The following TOPBP1 variants were observed in gnomAD, a reference collection of about 807,000 sequenced individuals.
TOPBP1 encodes the protein DNA topoisomerase II binding protein 1.
In TOPBP1, 28 loss-of-function variants were observed where a neutral mutation model predicts 167.7. That is an observed-to-expected ratio of 0.17 (90% CI 0.12 to 0.23). The LOEUF is 0.23. Ranked by LOEUF, TOPBP1 falls within the 10% of genes least tolerant of loss-of-function variation. The pLI is 1.00. For synonymous variants in TOPBP1, 598 were observed against 611.4 expected, an observed-to-expected ratio of 0.98 and a Z score of 0.32; for missense variants, 1,554 against 1,809.6, an observed-to-expected ratio of 0.86 and a Z score of 2.56.
At chr3:133,612,610 A>C in intron 23 of TOPBP1, 58 bp from the exon 24 acceptor site, 1 of 1,477,388 alleles carries the variant, frequency 6.8e-7, no homozygotes, top group Non-Finnish European at 9.1e-7. Context: ...TCTAGGAAAA[A>C]TGTAATCTCA....
At chr3:133,650,658 A>G (rs1936262169) in intron 8 of TOPBP1, among the ~76,000 whole-genome samples, 1 of 152,318 alleles carries the variant, frequency 6.6e-6, no homozygotes, top group African/African-American at 2.4e-5. Flanking sequence ...AAATTTAAGT[A>G]TGACAAATCT....
At chr3:133,613,808 C>T (rs1462113647) in intron 23 of TOPBP1, among the ~76,000 whole-genome samples, 3 of 127,112 alleles carry the variant, frequency 2.4e-5, no homozygotes, top group Admixed American at 8.8e-5. Context: ...TTTTTTGAGA[C>T]GGAGTCTCAC....
At position 133,604,171 on chromosome 3, in the gene TOPBP1, G is replaced by A. The variant is rs533681667; in HGVS notation, c.4426-2778C>T. ...TTATTTTGAAACGGAGTCTTGCTCT[G>A]TTGCCCAAGCTGGAGTGCAGTGGCG... is the stretch of plus-strand genomic sequence containing the variant. On this transcript the variant is annotated intron_variant, in intron 27 of 27. Coordinates refer to ENST00000260810, the MANE Select transcript of TOPBP1 (RefSeq NM_007027.4). 2.6e-5 allele frequency among the ~76,000 whole-genome samples: 4 copies of A among 151,824 alleles called. No homozygotes were observed. In the South Asian group the frequency reaches 8.3e-4, roughly 32 times the overall value.
intron 16 of TOPBP1, among the ~76,000 whole-genome samples, chr3:133,626,363 A>G (rs951142565): frequency 2.0e-5 from 3 of 152,196 alleles, no homozygotes; most frequent in Non-Finnish European, 4.4e-5. Flanking sequence ...GGAGGGTGCT[A>G]CTAGCATGCA....
intron 25 of TOPBP1, among the ~76,000 whole-genome samples, chr3:133,609,934 C>G (rs1934617716): frequency 6.6e-6 from 1 of 152,236 alleles, no homozygotes; most frequent in South Asian, 2.1e-4. Flanking sequence ...ATATAATTCC[C>G]AAACCTTATG....
At chr3:133,602,742 G>A (rs1462469530) in intron 27 of TOPBP1, among the ~76,000 whole-genome samples, 1 of 152,142 alleles carries the variant, frequency 6.6e-6, no homozygotes, top group Non-Finnish European at 1.5e-5. Context: ...ATACATAAAT[G>A]AATGAGTATG....
rs1007651590 is a variant in TOPBP1 at position 133,651,617 on chromosome 3, T to C, written c.1089+846A>G. On this transcript the variant is annotated intron_variant, in intron 8 of 27. Coordinates refer to ENST00000260810, the MANE Select transcript of TOPBP1 (RefSeq NM_007027.4). ...CCAATCTAAGACAGCGGAAAAAGTA[T>C]AGCATATGCTGTTTCCATCAACAAA... Among the ~76,000 whole-genome samples the C allele has an allele frequency of 4.6e-5, 7 of 152,334 alleles. No individual in the cohort carries two copies. In the East Asian group the frequency reaches 1.2e-3, roughly 25 times the overall value.
rs766801940 is a variant in TOPBP1 at position 133,623,368 on chromosome 3, A to G, written c.3018T>C (p.Asp1006=). 4 of 1,613,644 alleles carry G rather than the reference A, an allele frequency of 2.5e-6. No homozygotes were observed. The highest frequency in any genetic ancestry group is 1.1e-5 in the South Asian group (1 of 91,004). ...KMSLDISAVQ[D]GRLCNSRLLS... ...GTAGTCGACTATTACAGAGCCGGCCATCTTGCACTGCGCTGATATCCAAGC... is the reference window on the plus strand; with the variant it reads ...GTAGTCGACTATTACAGAGCCGGCCGTCTTGCACTGCGCTGATATCCAAGC... Residue 1006 remains aspartate, a synonymous_variant, in exon 18 of 28, where the codon GAT becomes GAC. Transcript: ENST00000260810.
At chr3:133,630,007 C>G (rs1020581853) in intron 14 of TOPBP1, among the ~76,000 whole-genome samples, 2 of 152,084 alleles carry the variant, frequency 1.3e-5, no homozygotes, top group Admixed American at 6.6e-5. Context: ...AAGCTGATCT[C>G]AAACTCCTGA....
At chr3:133,627,904 T>C (rs1230822209) in intron 16 of TOPBP1, among the ~76,000 whole-genome samples, 1 of 151,706 alleles carries the variant, frequency 6.6e-6, no homozygotes, top group African/African-American at 2.4e-5. Context: ...GAAAACATGC[T>C]CAAAAAAGAC....
At chr3:133,627,230 C>T (rs1935297974) in intron 16 of TOPBP1, among the ~76,000 whole-genome samples, 1 of 151,952 alleles carries the variant, frequency 6.6e-6, no homozygotes, top group African/African-American at 2.4e-5. Context: ...CATTTAAAAT[C>T]ATATAAAAAC....
chr3:133,632,467 T>C (rs975956815), intron 14 of TOPBP1, among the ~76,000 whole-genome samples: 6 of 152,182 alleles, frequency 3.9e-5, no homozygotes, highest in African/African-American at 1.4e-4. Flanking sequence ...TATAGCAATG[T>C]GCAAACAGAT....
At chr3:133,611,914 T>G (rs1425026974) in intron 24 of TOPBP1, among the ~76,000 whole-genome samples, 1 of 152,182 alleles carries the variant, frequency 6.6e-6, no homozygotes, top group Non-Finnish European at 1.5e-5. Context: ...CTGTTTTTAT[T>G]TTTTCTAGAG....
chr3:133,647,803 C>T (rs1183102775), intron 10 of TOPBP1, among the ~76,000 whole-genome samples: 1 of 151,920 alleles, frequency 6.6e-6, no homozygotes, highest in African/African-American at 2.4e-5. Context: ...AGAGATGATT[C>T]GTGATCTGGA....
intron 14 of TOPBP1, among the ~76,000 whole-genome samples, chr3:133,633,920 C>T (rs1032733044): frequency 2.0e-5 from 3 of 152,204 alleles, no homozygotes; most frequent in African/African-American, 7.2e-5. Flanking sequence ...CCAGCCCAAA[C>T]CATTCCTCAA....
chr3:133,620,474 A>C, intron 19 of TOPBP1, 127 bp from the exon 20 acceptor site: 1 of 923,104 alleles, frequency 1.1e-6, no homozygotes, highest in Non-Finnish European at 1.6e-6. Context: ...AATATTAACT[A>C]CAGGCTATAG....
In TOPBP1 at chr3:133,652,493, T is replaced by C. The variant is rs1399893065; in HGVS notation, c.1059A>G (p.Gln353=). 10 of 1,611,816 alleles carry C rather than the reference T, an allele frequency of 6.2e-6. No individual in the cohort carries two copies. In the Admixed American group the frequency reaches 1.2e-4, roughly 19 times the overall value. ...NLENLDVSAF[Q]APEDLLDGCR... is the part of the protein sequence containing the mutation. ...AACCATCTAATAAATCTTCAGGTGC[T>C]TGAAATGCACTGACATCCAGATTTT... Residue 353 remains glutamine (Q), a synonymous_variant, in exon 8 of 28, where the codon CAA becomes CAG. Transcript: ENST00000260810.
chr3:133,613,091 C>T (rs1934737201), intron 23 of TOPBP1, among the ~76,000 whole-genome samples: 1 of 152,048 alleles, frequency 6.6e-6, no homozygotes, highest in Admixed American at 6.5e-5. Context: ...GAACTCCTGA[C>T]CTCAAATGAT....
At chr3:133,620,027 T>G (rs1050352538) in intron 20 of TOPBP1, 128 bp downstream of exon 20, 18 of 953,412 alleles carry the variant, frequency 1.9e-5, no homozygotes, top group Non-Finnish European at 2.6e-5. Context: ...CAGCTTTTAC[T>G]GCATATTGGG....
Sources: gnomAD v4.1 joint callset for allele counts (sites outside exome capture counted in the v4.1 genomes callset) on GRCh38, gnomAD v4.1.1 for gene constraint, MANE v1.5 for transcripts, NCBI Gene and HGNC (gene_info 2026-07-23, HGNC 2026-07-21) for gene names.